The following PTPRD variants were observed in gnomAD, a reference collection of about 807,000 sequenced individuals.
The protein encoded by PTPRD is receptor-type tyrosine-protein phosphatase delta.
In PTPRD, 34 loss-of-function variants were observed where a neutral mutation model predicts 214.5. The ratio of observed to expected loss-of-function variants is 0.16; its 90% confidence interval spans 0.12 to 0.21. The LOEUF is 0.21. PTPRD is among the 10% of genes least tolerant of loss of function. PTPRD has a pLI of 1.00. For missense variants in PTPRD, 2,545 were observed against 2,398.7 expected, an observed-to-expected ratio of 1.06 and a Z score of -1.27; for synonymous variants, 1,128 against 845.7, an observed-to-expected ratio of 1.33 and a Z score of -5.79.
At chr9:10,008,650 A>C (rs551547073) in intron 4 of PTPRD, among the ~76,000 whole-genome samples, 1 of 151,762 alleles carries the variant, frequency 6.6e-6, no homozygotes, top group East Asian at 1.9e-4. Context: ...TCCTTATTTC[A>C]AGTGTCTGCT....
At chr9:10,221,359 T>C (rs573668353) in intron 3 of PTPRD, among the ~76,000 whole-genome samples, 8 of 152,102 alleles carry the variant, frequency 5.3e-5, no homozygotes, top group African/African-American at 1.9e-4. Context: ...TTTTATATGA[T>C]ATGGAAAAAA....
At chr9:9,466,187 T>C (rs2094139707) in intron 8 of PTPRD, among the ~76,000 whole-genome samples, 1 of 152,074 alleles carries the variant, frequency 6.6e-6, no homozygotes, top group Admixed American at 6.6e-5. Context: ...CAGGTGCCCA[T>C]AGTCCCATCT....
intron 10 of PTPRD, among the ~76,000 whole-genome samples, chr9:9,130,527 ACAAT>A (rs1438843464): frequency 6.6e-6 from 1 of 152,172 alleles, no homozygotes; most frequent in African/African-American, 2.4e-5. Flanking sequence ...ATTCCAGAAA[ACAAT>A]CAATATCTAG....
At chr9:9,191,166 C>G (rs955679630) in intron 9 of PTPRD, among the ~76,000 whole-genome samples, 10 of 152,044 alleles carry the variant, frequency 6.6e-5, no homozygotes, top group Non-Finnish European at 4.4e-5. Flanking sequence ...TCTCTTGGAG[C>G]CTTTGGTCTG....
chr9:9,883,502 G>T (rs113497374), intron 5 of PTPRD, among the ~76,000 whole-genome samples: 1 of 152,130 alleles, frequency 6.6e-6, no homozygotes, highest in Non-Finnish European at 1.5e-5. Flanking sequence ...AATGTGCAAA[G>T]ATGTTTCAGG....
chr9:9,668,633 A>T (rs1026472541), intron 7 of PTPRD, among the ~76,000 whole-genome samples: 2 of 152,196 alleles, frequency 1.3e-5, no homozygotes, highest in Non-Finnish European at 2.9e-5. Flanking sequence ...TGTATTAATC[A>T]CTTAAGCCAT....
chr9:8,337,873 A>ATTAT (rs1554721264), intron 43 of PTPRD, among the ~76,000 whole-genome samples: 22 of 143,916 alleles, frequency 1.5e-4, no homozygotes, highest in Admixed American at 2.8e-4. Flanking sequence ...AAAGAGCACT[A>ATTAT]TTTTTTTTTT....
chr9:8,808,330 G>A (rs570735553), intron 11 of PTPRD, among the ~76,000 whole-genome samples: 54 of 152,196 alleles, frequency 3.5e-4, no homozygotes, highest in African/African-American at 7.2e-4. Context: ...CAGACACTGC[G>A]TCAAGTCTTT....
At chr9:9,825,388 G>C (rs2052422072) in intron 5 of PTPRD, among the ~76,000 whole-genome samples, 1 of 144,794 alleles carries the variant, frequency 6.9e-6, no homozygotes, top group East Asian at 2.0e-4. Flanking sequence ...GAGACAGAGA[G>C]AGAGAGACAG....
chr9:9,575,538 G>A (rs775658873), intron 7 of PTPRD, among the ~76,000 whole-genome samples: 2 of 151,326 alleles, frequency 1.3e-5, no homozygotes, highest in South Asian at 2.1e-4. Flanking sequence ...GGCCAATATG[G>A]TGAAACCCTG....
intron 7 of PTPRD, among the ~76,000 whole-genome samples, chr9:9,651,518 G>T (rs1383957096): frequency 6.6e-6 from 1 of 152,030 alleles, no homozygotes; most frequent in Non-Finnish European, 1.5e-5. Flanking sequence ...TCCTGTGTTA[G>T]TTTGCTAAGG....
At chr9:9,746,070 C>T (rs992979138) in intron 6 of PTPRD, among the ~76,000 whole-genome samples, 4 of 151,914 alleles carry the variant, frequency 2.6e-5, no homozygotes, top group African/African-American at 9.7e-5. Flanking sequence ...CCTCAGGAAA[C>T]CCAAGAGAAA....
At position 9,733,568 on chromosome 9, in the gene PTPRD, T is replaced by G. The variant is rs191750161; in HGVS notation, c.-287+965A>C. ...AAAGCATTTGGTTTTAGGAAGATAA[T>G]GAACAACAGCAAGGAGATACTGGAC... On this transcript the variant is annotated intron_variant, in intron 7 of 45. Transcript: ENST00000381196. 6.8e-4 allele frequency among the ~76,000 whole-genome samples: 104 copies of G among 152,264 alleles called. No individual in the cohort carries two copies. The South Asian group carries it at 8.3e-3, about 12-fold the overall frequency.
At chr9:8,459,151 G>C (rs917340746) in intron 33 of PTPRD, among the ~76,000 whole-genome samples, 2 of 152,034 alleles carry the variant, frequency 1.3e-5, no homozygotes, top group African/African-American at 2.4e-5. Context: ...AAGGGAGTGA[G>C]GGTGAAAATA....
intron 5 of PTPRD, among the ~76,000 whole-genome samples, chr9:9,901,639 C>T (rs910002575): frequency 3.3e-5 from 5 of 151,862 alleles, no homozygotes; most frequent in Non-Finnish European, 7.4e-5. Context: ...TTTCTTTCTC[C>T]GAAGCTAGTG....
Position 8,902,498 on chromosome 9 carries a change from C to A in PTPRD, c.-104+116199G>T, listed in dbSNP as rs572176897. ...GCTAGGACTACAGGCAATGTGCCAC[C>A]ACACCTGGCTAATTTTTTGTATTTT... On this transcript the variant is annotated intron_variant, in intron 11 of 45. Transcript: ENST00000381196. 9.7e-4 allele frequency among the ~76,000 whole-genome samples: 147 copies of A among 151,960 alleles called. 1 individual carries two copies. Among genetic ancestry groups the A allele is most frequent in the African/African-American group, 3.5e-3 (145 of 41,460 alleles).
intron 7 of PTPRD, among the ~76,000 whole-genome samples, chr9:9,649,885 G>A (rs572422729): frequency 6.6e-6 from 1 of 152,054 alleles, no homozygotes; most frequent in African/African-American, 2.4e-5. Context: ...TTCTCAGAAA[G>A]TGAAATAAAT....
At chr9:10,031,892 A>T (rs1334313977) in intron 4 of PTPRD, among the ~76,000 whole-genome samples, 2 of 151,936 alleles carry the variant, frequency 1.3e-5, no homozygotes, top group Non-Finnish European at 2.9e-5. Flanking sequence ...ATTTAAAAGG[A>T]TTTTGAATTG....
chr9:8,659,643 G>T (rs1028231960), intron 12 of PTPRD, among the ~76,000 whole-genome samples: 14 of 152,264 alleles, frequency 9.2e-5, no homozygotes, highest in African/African-American at 3.4e-4. Flanking sequence ...CCAAGAAGAG[G>T]GTACAGAAGT....
Sources: allele counts gnomAD v4.1 joint callset (sites outside exome capture counted in the v4.1 genomes callset), GRCh38; gene constraint gnomAD v4.1.1; transcripts MANE v1.5; gene names NCBI Gene and HGNC (gene_info 2026-07-23, HGNC 2026-07-21).